The following NELL1 variants were observed in gnomAD, a reference collection of about 807,000 sequenced individuals.
NELL1 encodes neural EGFL like 1.
Under a neutral mutation model 107.4 loss-of-function variants are expected in NELL1, and 76 were observed. That is an observed-to-expected ratio of 0.71 (90% CI 0.59 to 0.86). The LOEUF (loss-of-function observed/expected upper bound fraction) is 0.86. Ranked by LOEUF, NELL1 falls within the 40% of genes least tolerant of loss-of-function variation. NELL1 has a pLI of 0.00. For synonymous variants in NELL1, 353 were observed against 341.2 expected, an observed-to-expected ratio of 1.03 and a Z score of -0.38; for missense variants, 1,024 against 1,005.5, an observed-to-expected ratio of 1.02 and a Z score of -0.25.
At chr11:20,978,006 T>G (rs911643074) in intron 12 of NELL1, among the ~76,000 whole-genome samples, 1 of 152,242 alleles carries the variant, frequency 6.6e-6, no homozygotes, top group Non-Finnish European at 1.5e-5. Flanking sequence ...GCTCTGATTC[T>G]GCAATGCTAT....
chr11:21,520,756 A>C (rs987534974), intron 15 of NELL1, among the ~76,000 whole-genome samples: 11 of 151,936 alleles, frequency 7.2e-5, no homozygotes, highest in African/African-American at 2.4e-5. Flanking sequence ...GCCCCTCCCC[A>C]TGCACCTGCT....
chr11:20,863,653 T>A (rs7952379), intron 4 of NELL1, among the ~76,000 whole-genome samples: 100,599 of 149,336 alleles, frequency 0.67, 34,543 homozygotes, highest in Non-Finnish European at 0.76. Flanking sequence ...TGCTCCTCAC[T>A]TCCCAGACGA....
chr11:20,748,409 A>C (rs958870714), intron 2 of NELL1, among the ~76,000 whole-genome samples: 5 of 152,146 alleles, frequency 3.3e-5, no homozygotes, highest in Non-Finnish European at 5.9e-5. Flanking sequence ...TATAAAATTT[A>C]TTTATTTCAG....
chr11:21,023,587 G>A (rs1446748570), intron 12 of NELL1, among the ~76,000 whole-genome samples: 1 of 151,470 alleles, frequency 6.6e-6, no homozygotes. Context: ...TTTTTTTAGT[G>A]TATGAAACTG....
chr11:21,533,935 A>T (rs1055953927), intron 15 of NELL1, among the ~76,000 whole-genome samples: 1 of 152,212 alleles, frequency 6.6e-6, no homozygotes, highest in African/African-American at 2.4e-5. Flanking sequence ...ATTTAAAAAA[A>T]TCAGTTTAAT....
At chr11:21,273,831 C>T (rs996025468) in intron 14 of NELL1, among the ~76,000 whole-genome samples, 2 of 152,090 alleles carry the variant, frequency 1.3e-5, no homozygotes, top group African/African-American at 4.8e-5. Flanking sequence ...GAAATAAAAT[C>T]CTTTACAGAC....
intron 3 of NELL1, among the ~76,000 whole-genome samples, chr11:20,836,963 T>A (rs566886945): frequency 1.3e-5 from 2 of 152,074 alleles, no homozygotes; most frequent in Non-Finnish European, 2.9e-5. Flanking sequence ...TTTAAAAAAA[T>A]CATTTAGGAA....
chr11:21,245,369 A>G (rs1264304496), intron 14 of NELL1, among the ~76,000 whole-genome samples: 1 of 152,198 alleles, frequency 6.6e-6, no homozygotes, highest in African/African-American at 2.4e-5. Context: ...TCCTCAGGTT[A>G]TAAGAATGAG....
At chr11:21,272,259 C>A (rs951113885) in intron 14 of NELL1, among the ~76,000 whole-genome samples, 9 of 152,192 alleles carry the variant, frequency 5.9e-5, no homozygotes, top group African/African-American at 2.2e-4. Flanking sequence ...GATTATATCC[C>A]ACCCCTGGCT....
intron 13 of NELL1, among the ~76,000 whole-genome samples, chr11:21,129,555 T>C (rs1441422832): frequency 1.3e-5 from 2 of 152,166 alleles, no homozygotes; most frequent in African/African-American, 2.4e-5. Context: ...TACAGACATA[T>C]AATGGAATAT....
rs373916812 is a variant in NELL1 at position 21,018,141 on chromosome 11, A to G, written c.1300+57581A>G. Among the ~76,000 whole-genome samples, 12 of 152,188 alleles carry G rather than the reference A, an allele frequency of 7.9e-5. No individual in the cohort carries two copies. The South Asian group carries it at 2.5e-3, about 32-fold the overall frequency. On this transcript the variant is annotated intron_variant, in intron 12 of 19. Transcript: ENST00000357134. ...AGGCTTGATTGACATATTCAATTAC[A>G]TATTTGTGTATTTGTATTTTCTTTA...
intron 15 of NELL1, among the ~76,000 whole-genome samples, chr11:21,385,724 C>T (rs756422625): frequency 6.6e-6 from 1 of 151,888 alleles, no homozygotes; most frequent in Non-Finnish European, 1.5e-5. Flanking sequence ...TAAATGGTTT[C>T]CAGTGCTTTC....
intron 16 of NELL1, among the ~76,000 whole-genome samples, chr11:21,540,966 C>A (rs1170460279): frequency 6.6e-6 from 1 of 152,050 alleles, no homozygotes; most frequent in Non-Finnish European, 1.5e-5. Context: ...AATTTCTCCC[C>A]TCTTATTTGT....
intron 13 of NELL1, among the ~76,000 whole-genome samples, chr11:21,224,144 C>T (rs142008506): frequency 6.6e-6 from 1 of 152,204 alleles, no homozygotes; most frequent in East Asian, 1.9e-4. Flanking sequence ...TTGGCAAGGA[C>T]CTTCTTGGGT....
At chr11:20,690,813 T>C (rs1318044373) in intron 2 of NELL1, among the ~76,000 whole-genome samples, 1 of 150,696 alleles carries the variant, frequency 6.6e-6, no homozygotes, top group Non-Finnish European at 1.5e-5. Flanking sequence ...TTTCCAATTC[T>C]GTGAAGAAAG....
In NELL1 at chr11:20,678,094, G is replaced by A. The variant is rs1243136430; in HGVS notation, c.184+34G>A. 11 of 1,612,786 alleles carry A rather than the reference G, an allele frequency of 6.8e-6. No individual in the cohort carries two copies. The Admixed American group carries it at 1.8e-4, about 27-fold the overall frequency. ...ACCTCCTTTCTTGCATGGTGGCAGA[G>A]GTTGGGGAGGAGGGTCTGTCTGGGG... On this transcript the variant is annotated intron_variant, in intron 2 of 19. Coordinates refer to ENST00000357134, the MANE Select transcript of NELL1 (RefSeq NM_006157.5).
At chr11:21,432,480 C>T (rs1171219233) in intron 15 of NELL1, among the ~76,000 whole-genome samples, 1 of 152,092 alleles carries the variant, frequency 6.6e-6, no homozygotes, top group African/African-American at 2.4e-5. Context: ...TGTTAATGCT[C>T]ACTAGCTAAA....
At chr11:20,866,319 A>G (rs541046435) in intron 4 of NELL1, among the ~76,000 whole-genome samples, 5 of 152,344 alleles carry the variant, frequency 3.3e-5, no homozygotes, top group African/African-American at 9.6e-5. Flanking sequence ...CTGAGGCCAC[A>G]GGACCGCCTG....
intron 12 of NELL1, among the ~76,000 whole-genome samples, chr11:20,969,673 GC>G (rs199568435): frequency 0.037 from 5,620 of 151,068 alleles, 118 homozygotes; most frequent in East Asian, 0.081. Flanking sequence ...AAAGAACAAA[GC>G]AAAAAACATT....
Sources: gnomAD v4.1 joint callset for allele counts (sites outside exome capture counted in the v4.1 genomes callset) on GRCh38, gnomAD v4.1.1 for gene constraint, MANE v1.5 for transcripts, NCBI Gene and HGNC (gene_info 2026-07-23, HGNC 2026-07-21) for gene names.